The following PRDM2 variants were observed in gnomAD, a reference collection of about 807,000 sequenced individuals.
PRDM2 encodes the protein PR/SET domain 2.
Under a neutral mutation model 130.0 loss-of-function variants are expected in PRDM2, and 30 were observed. The ratio of observed to expected loss-of-function variants is 0.23; its 90% confidence interval spans 0.17 to 0.31. PRDM2 has a LOEUF of 0.31. PRDM2 is among the 10% of genes least tolerant of loss of function. The probability of loss-of-function intolerance (pLI) is 1.00; values close to 1 mark genes in which losing one functional copy is unlikely to be tolerated. For missense variants in PRDM2, 2,011 were observed against 2,108.4 expected (o/e 0.95, Z 0.90); for synonymous variants, 871 against 782.4 (o/e 1.11, Z -1.89).
Position 13,782,293 on chromosome 1 carries a change from T to G in PRDM2, c.4498T>G (p.Ser1500Ala), listed in dbSNP as rs1644631206. ...VSHSSKKGGH[S>A]SPASSDKNSN... ...TCATTCATCTAAGAAAGGTGGACAC[T>G]CATCACCTGCAAGTAGTGACAAAAA... The change falls in exon 8 of 10, where the codon TCA becomes GCA. Residue 1500 changes from serine (S) to alanine (A), a missense_variant. This residue lies in a region of PRDM2 where 410 missense variants were observed against 395.9 expected (regional missense o/e 1.04). Coordinates refer to ENST00000311066, the MANE Select transcript of PRDM2 (RefSeq NM_001393986.1). 15 of 1,613,662 alleles carry G rather than the reference T, an allele frequency of 9.3e-6. No individual in the cohort carries two copies. Among genetic ancestry groups the G allele is most frequent in the Non-Finnish European group, 1.2e-5 (14 of 1,179,934 alleles).
At chr1:13,802,812 C>G (rs1223387103) in intron 8 of PRDM2, among the ~76,000 whole-genome samples, 3 of 152,304 alleles carry the variant, frequency 2.0e-5, no homozygotes, top group East Asian at 1.9e-4. Context: ...TTTGGCTTCC[C>G]TCCTACTCTT....
chr1:13,813,367 C>T (rs1645205312), intron 8 of PRDM2, among the ~76,000 whole-genome samples: 1 of 152,134 alleles, frequency 6.6e-6, no homozygotes. Flanking sequence ...GGGCACTGTG[C>T]TCTCATGAGT....
intron 6 of PRDM2, among the ~76,000 whole-genome samples, chr1:13,769,378 G>T (rs1035389643): frequency 5.9e-5 from 9 of 152,218 alleles, no homozygotes; most frequent in African/African-American, 2.2e-4. Context: ...TCCACCGCCT[G>T]TTGCTGCAAT....
At chr1:13,765,076 C>G (rs79394952) in intron 6 of PRDM2, among the ~76,000 whole-genome samples, 2 of 152,158 alleles carry the variant, frequency 1.3e-5, no homozygotes, top group Non-Finnish European at 2.9e-5. Flanking sequence ...TGCCACTGAT[C>G]GCGCCTTGAC....
rs924647979 is a variant in PRDM2 at position 13,802,556 on chromosome 1, G to A, written c.5037-13871G>A. Among the ~76,000 whole-genome samples, 8 of 152,156 alleles carry A rather than the reference G, an allele frequency of 5.3e-5. No individual in the cohort carries two copies. The East Asian group carries it at 7.7e-4, about 15-fold the overall frequency. ...GTCCCAGCAACTCCAAACCACACAC[G>A]GGGTGAGCTCTTCTTTTCTTGGTCC... On this transcript the variant is annotated intron_variant, in intron 8 of 9. Coordinates refer to ENST00000311066, the MANE Select transcript of PRDM2 (RefSeq NM_001393986.1).
chr1:13,755,762 G>A (rs2100562559), intron 6 of PRDM2, among the ~76,000 whole-genome samples: 2 of 152,020 alleles, frequency 1.3e-5, no homozygotes, highest in Middle Eastern at 6.8e-3. Context: ...ATAGAGAGGA[G>A]GGTGTAGTTA....
rs143840433 is a variant in PRDM2 at position 13,780,983 on chromosome 1, C to T, written c.3188C>T (p.Ser1063Leu). Residue 1063 changes from serine to leucine, a missense_variant, in exon 8 of 10, where the codon TCG becomes TTG. Around this residue, in one of 5 missense-constraint regions of PRDM2, gnomAD observed 1,288 missense variants for 1,237.7 expected, o/e 1.04. Transcript: ENST00000311066. ...SSSSSSSSSS[S>L]FSSSSSSSSP... ...TCCTCTTCATCTTCCTCCTCCTCTT[C>T]GTTTTCTTCTTCATCTTCCTCCTCT... 7.2e-4 allele frequency: 1,146 copies of T among 1,601,126 alleles called. 11 individuals are homozygous for T. In the Admixed American group the frequency reaches 0.016, roughly 23 times the overall value.
rs562726428 is a variant in PRDM2, at chr1:13,816,685, G to A, written c.*23+115G>A. The A allele has an allele frequency of 8.0e-6, 11 of 1,373,322 alleles. No homozygotes were observed. The South Asian group carries it at 1.4e-4, about 17-fold the overall frequency. The allele number at this position is 1,373,322 out of a possible 1,614,324, so 85.1% of individuals were successfully genotyped here. Reference sequence around the variant, plus strand: ...AAGCAGTGGGTGTGATTGCTTGTGTGTACCAGGCACGGTGCAGGGCCTCCC... The same window carrying A: ...AAGCAGTGGGTGTGATTGCTTGTGTATACCAGGCACGGTGCAGGGCCTCCC... On this transcript the variant is annotated intron_variant, in intron 9 of 9. Transcript: ENST00000311066.
intron 1 of PRDM2, among the ~76,000 whole-genome samples, chr1:13,710,038 A>C (rs995568312): frequency 3.3e-5 from 5 of 152,224 alleles, no homozygotes; most frequent in African/African-American, 1.2e-4. Context: ...CCCTTGCCCC[A>C]CAGATGTAAA....
intron 5 of PRDM2, among the ~76,000 whole-genome samples, chr1:13,742,564 G>C (rs2100509841): frequency 6.6e-6 from 1 of 152,338 alleles, no homozygotes; most frequent in South Asian, 2.1e-4. Flanking sequence ...AGACCTGGGA[G>C]GGATTATATT....
At chr1:13,784,973 A>C (rs985015262) in intron 8 of PRDM2, among the ~76,000 whole-genome samples, 3 of 152,226 alleles carry the variant, frequency 2.0e-5, no homozygotes, top group Non-Finnish European at 1.5e-5. Context: ...GATTTTGACT[A>C]TCTGGACACA....
At chr1:13,702,422 G>A (rs536118874) in intron 1 of PRDM2, among the ~76,000 whole-genome samples, 51 of 152,220 alleles carry the variant, frequency 3.4e-4, no homozygotes, top group Non-Finnish European at 6.6e-4. Flanking sequence ...TTTTAAAATC[G>A]TGGGTTTTAA....
intron 8 of PRDM2, among the ~76,000 whole-genome samples, chr1:13,798,544 T>C (rs1414476240): frequency 6.6e-6 from 1 of 152,126 alleles, no homozygotes; most frequent in African/African-American, 2.4e-5. Flanking sequence ...GGTGGAATTA[T>C]AGTCTCCCCT....
chr1:13,807,659 G>T (rs2244634), intron 8 of PRDM2, among the ~76,000 whole-genome samples: 121,155 of 152,050 alleles, frequency 0.8, 48,388 homozygotes, highest in Middle Eastern at 0.87. Context: ...GAGTCCCTGA[G>T]GCAAGAATGG....
At chr1:13,770,899 AGTTAT>A (rs1473821544) in intron 6 of PRDM2, among the ~76,000 whole-genome samples, 2 of 152,212 alleles carry the variant, frequency 1.3e-5, no homozygotes, top group Non-Finnish European at 2.9e-5. Context: ...AGCACAGAGA[AGTTAT>A]GTTATGTCAG....
intron 6 of PRDM2, among the ~76,000 whole-genome samples, chr1:13,770,515 A>G (rs1344927890): frequency 6.6e-6 from 1 of 152,084 alleles, no homozygotes; most frequent in Non-Finnish European, 1.5e-5. Context: ...TTGTAGAAAA[A>G]TCTTTGCATT....
intron 8 of PRDM2, chr1:13,787,689 A>G: frequency 1.0e-6 from 1 of 983,572 alleles, no homozygotes; most frequent in Non-Finnish European, 1.2e-6. Flanking sequence ...CAATTGTATT[A>G]TATGTGATTT....
At position 13,782,246 on chromosome 1, in the gene PRDM2, C is replaced by A. The variant is rs1644629691; in HGVS notation, c.4451C>A (p.Ser1484Tyr). 6.2e-7 allele frequency: 1 copy of A among 1,613,556 alleles called. No individual in the cohort carries two copies. Among genetic ancestry groups the A allele is most frequent in the African/African-American group, 1.3e-5 (1 of 74,922 alleles). ...AAFSCPKKPL[S>Y]PPKKKVSHSS... The stretch of plus-strand genomic sequence containing the variant: ...TTCAGCTGTCCCAAAAAACCCCTTT[C>A]TCCTCCCAAAAAAAAAGTTTCTCAT... Residue 1484 changes from serine to tyrosine, a missense_variant, in exon 8 of 10, where the codon TCT (serine) becomes TAT (tyrosine). Transcript: ENST00000311066.
chr1:13,774,801 C>T (rs900831135), intron 7 of PRDM2, among the ~76,000 whole-genome samples: 7 of 151,950 alleles, frequency 4.6e-5, no homozygotes, highest in Non-Finnish European at 1.0e-4. Context: ...ATGGTGAAAC[C>T]CCGTCTCTAC....
Sources: gnomAD v4.1 joint callset for allele counts (sites outside exome capture counted in the v4.1 genomes callset) on GRCh38, gnomAD v4.1.1 for gene constraint, gnomAD v4.1.1 regional missense constraint, MANE v1.5 for transcripts, NCBI Gene and HGNC (gene_info 2026-07-23, HGNC 2026-07-21) for gene names.